Variants in SNTG1 observed in about 807,000 individuals in gnomAD.
The protein encoded by SNTG1 is gamma-1-syntrophin.
Under a neutral mutation model 74.7 loss-of-function variants are expected in SNTG1, and 39 were observed. The observed-to-expected ratio is 0.52, with a 90% CI of 0.40 to 0.68. SNTG1 has a LOEUF of 0.68. Among genes scored for constraint, SNTG1 ranks in the 30% least tolerant of loss-of-function variants. The pLI, the probability that SNTG1 is intolerant of heterozygous loss-of-function variation, is 0.00. For missense variants in SNTG1, 685 were observed against 609.5 expected, an observed-to-expected ratio of 1.12 and a Z score of -1.30; for synonymous variants, 254 against 217.1, an observed-to-expected ratio of 1.17 and a Z score of -1.49.
chr8:50,717,332 T>A (rs985062289), intron 17 of SNTG1, among the ~76,000 whole-genome samples: 1 of 152,210 alleles, frequency 6.6e-6, no homozygotes, highest in African/African-American at 2.4e-5. Flanking sequence ...GTATTTTAGT[T>A]TACCTTTGCT....
At chr8:50,351,661 A>G (rs909419735) in intron 2 of SNTG1, among the ~76,000 whole-genome samples, 4 of 152,222 alleles carry the variant, frequency 2.6e-5, no homozygotes, top group African/African-American at 9.6e-5. Flanking sequence ...AATATCAACA[A>G]TTCTAAAACT....
At chr8:50,405,118 T>C (rs1280878419) in intron 4 of SNTG1, among the ~76,000 whole-genome samples, 2 of 152,144 alleles carry the variant, frequency 1.3e-5, no homozygotes, top group Non-Finnish European at 2.9e-5. Flanking sequence ...AACATGGGTG[T>C]ACAAATATGT....
intron 1 of SNTG1, among the ~76,000 whole-genome samples, chr8:50,014,892 A>G (rs575147398): frequency 6.6e-5 from 10 of 152,098 alleles, no homozygotes; most frequent in Non-Finnish European, 1.3e-4. Context: ...ATATAAAAGA[A>G]AAAACAGCTA....
intron 1 of SNTG1, among the ~76,000 whole-genome samples, chr8:50,002,208 G>A (rs1340670811): frequency 1.3e-5 from 2 of 152,094 alleles, no homozygotes; most frequent in Non-Finnish European, 1.5e-5. Flanking sequence ...TTTTTAAAAG[G>A]CCCAACTCCA....
rs554984366 is a variant in SNTG1 at position 50,732,079 on chromosome 8, A to G, written c.1285-19922A>G. On this transcript the variant is annotated intron_variant, in intron 17 of 18. Coordinates refer to ENST00000642720, the MANE Select transcript of SNTG1 (RefSeq NM_018967.5). ...AAGGATTCATGCTTCATATTCAAAA[A>G]TGTATCAAACCTCTTTCATATGACT... 5.3e-5 allele frequency among the ~76,000 whole-genome samples: 8 copies of G among 152,112 alleles called. No individual in the cohort carries two copies. In the South Asian group the frequency reaches 1.7e-3, roughly 32 times the overall value.
At chr8:50,750,206 T>A (rs2095564203) in intron 17 of SNTG1, among the ~76,000 whole-genome samples, 1 of 151,958 alleles carries the variant, frequency 6.6e-6, no homozygotes, top group African/African-American at 2.4e-5. Context: ...GCAAATGCCA[T>A]GGAAATAACA....
intron 8 of SNTG1, among the ~76,000 whole-genome samples, chr8:50,470,750 T>C (rs1281362805): frequency 6.6e-6 from 1 of 152,146 alleles, no homozygotes; most frequent in African/African-American, 2.4e-5. Context: ...ATAAAGGTAG[T>C]GCGGACCCAA....
chr8:50,698,212 C>G (rs1442684551), intron 15 of SNTG1, among the ~76,000 whole-genome samples: 1 of 152,106 alleles, frequency 6.6e-6, no homozygotes, highest in East Asian at 1.9e-4. Context: ...TCCATTTCCT[C>G]TAGGTTTTCT....
chr8:50,472,735 C>T (rs1336868164), intron 8 of SNTG1, among the ~76,000 whole-genome samples: 1 of 151,902 alleles, frequency 6.6e-6, no homozygotes, highest in Non-Finnish European at 1.5e-5. Flanking sequence ...AAAAAGGCAA[C>T]CTATGGAATG....
At chr8:50,278,867 T>A (rs2088272419) in intron 2 of SNTG1, among the ~76,000 whole-genome samples, 1 of 152,108 alleles carries the variant, frequency 6.6e-6, no homozygotes, top group Admixed American at 6.5e-5. Context: ...AAGAGAGCAG[T>A]TTACAGTTAT....
intron 8 of SNTG1, among the ~76,000 whole-genome samples, chr8:50,480,249 T>C (rs1410364694): frequency 7.2e-6 from 1 of 139,494 alleles, no homozygotes; most frequent in Non-Finnish European, 1.6e-5. Flanking sequence ...AAATTAGTGA[T>C]GGGTATGGTC....
intron 1 of SNTG1, among the ~76,000 whole-genome samples, chr8:50,111,507 C>T (rs1055065544): frequency 1.3e-5 from 2 of 152,108 alleles, no homozygotes; most frequent in South Asian, 2.1e-4. Context: ...GAAGAGAGCC[C>T]TCACCAGAAA....
intron 1 of SNTG1, among the ~76,000 whole-genome samples, chr8:50,158,508 A>G (rs992020717): frequency 7.2e-5 from 11 of 152,198 alleles, no homozygotes; most frequent in Non-Finnish European, 1.2e-4. Flanking sequence ...ACAGGGTAAT[A>G]GTATTAGCTT....
chr8:50,765,778 G>GT (rs1378273178), intron 18 of SNTG1, among the ~76,000 whole-genome samples: 1 of 151,914 alleles, frequency 6.6e-6, no homozygotes, highest in African/African-American at 2.4e-5. Flanking sequence ...GGCTCTTGTT[G>GT]TAACTGCTGA....
At chr8:49,961,188 C>G (rs919758808) in intron 1 of SNTG1, among the ~76,000 whole-genome samples, 12 of 152,100 alleles carry the variant, frequency 7.9e-5, no homozygotes, top group Admixed American at 2.0e-4. Context: ...TTTTATCCCC[C>G]CTCAGAGCTG....
chr8:49,950,446 T>A (rs1196007853), intron 1 of SNTG1, among the ~76,000 whole-genome samples: 1 of 152,216 alleles, frequency 6.6e-6, no homozygotes, highest in African/African-American at 2.4e-5. Context: ...ATGCTATTTT[T>A]AAAATTTTTA....
At position 50,088,793 on chromosome 8, in the gene SNTG1, G is replaced by A. The variant is rs962187200; in HGVS notation, c.-102-83768G>A. ...ATGGAAGAACATTCCATGCTCATGG[G>A]TAGGAAGAATCAATATCGTGAAAAT... On this transcript the variant is annotated intron_variant, in intron 1 of 18. Transcript: ENST00000642720. Among the ~76,000 whole-genome samples the A allele has an allele frequency of 2.7e-5, 4 of 148,586 alleles. No homozygotes were observed. In the South Asian group the frequency reaches 8.7e-4, roughly 32 times the overall value.
intron 17 of SNTG1, among the ~76,000 whole-genome samples, chr8:50,734,744 TGTATATAG>T (rs2095521775): frequency 2.4e-5 from 2 of 83,826 alleles, no homozygotes; most frequent in Non-Finnish European, 4.4e-5. Context: ...TATATGGACA[TGTATATAG>T]ATATCTATAT....
chr8:50,776,242 G>T (rs1008755011), intron 18 of SNTG1, among the ~76,000 whole-genome samples: 2 of 150,104 alleles, frequency 1.3e-5, no homozygotes, highest in African/African-American at 2.4e-5. Context: ...TAGCATTTTT[G>T]AGCATACTTC....
Sources: allele counts gnomAD v4.1 joint callset (sites outside exome capture counted in the v4.1 genomes callset), GRCh38; gene constraint gnomAD v4.1.1; transcripts MANE v1.5; gene names NCBI Gene and HGNC (gene_info 2026-07-23, HGNC 2026-07-21).